Variants in CCSER1 observed in about 807,000 individuals in gnomAD.
The protein encoded by CCSER1 is coiled-coil serine rich protein 1, also known as serine-rich coiled-coil domain-containing protein 1.
Under a neutral mutation model 82.0 loss-of-function variants are expected in CCSER1, and 41 were observed. The observed-to-expected ratio is 0.50, with a 90% CI of 0.39 to 0.65. CCSER1 has a LOEUF of 0.65. Ranked by LOEUF, CCSER1 falls within the 30% of genes least tolerant of loss-of-function variation. The pLI is 0.00. For missense variants in CCSER1, 1,119 were observed against 1,064.2 expected (o/e 1.05, Z -0.72); for synonymous variants, 414 against 383.9 (o/e 1.08, Z -0.92).
intron 8 of CCSER1, among the ~76,000 whole-genome samples, chr4:90,830,910 T>C (rs939461691): frequency 6.6e-6 from 1 of 152,138 alleles, no homozygotes; most frequent in Non-Finnish European, 1.5e-5. Context: ...ATAACAGATA[T>C]CCCATCCATA....
intron 10 of CCSER1, among the ~76,000 whole-genome samples, chr4:91,275,250 C>T (rs984599404): frequency 1.3e-5 from 2 of 152,106 alleles, no homozygotes; most frequent in Non-Finnish European, 2.9e-5. Flanking sequence ...ACATTTCCAC[C>T]CACAATGTAT....
intron 9 of CCSER1, among the ~76,000 whole-genome samples, chr4:90,964,551 C>T (rs560954955): frequency 9.2e-5 from 14 of 151,508 alleles, no homozygotes; most frequent in South Asian, 2.1e-4. Context: ...TGGTGGAACC[C>T]GTCTCTACTA....
At chr4:90,951,227 G>C (rs1732878050) in intron 9 of CCSER1, 1 of 152,056 alleles carries the variant, frequency 6.6e-6, no homozygotes, top group South Asian at 2.1e-4. Context: ...AGGTATAGCA[G>C]AAAATGACAG....
intron 10 of CCSER1, among the ~76,000 whole-genome samples, chr4:91,594,417 A>G (rs891686160): frequency 2.7e-5 from 4 of 148,206 alleles, no homozygotes; most frequent in African/African-American, 9.9e-5. Flanking sequence ...ATACACATAT[A>G]TATACATATA....
At chr4:91,032,027 C>T (rs1343273908) in intron 9 of CCSER1, among the ~76,000 whole-genome samples, 1 of 151,996 alleles carries the variant, frequency 6.6e-6, no homozygotes, top group Non-Finnish European at 1.5e-5. Flanking sequence ...CTTCAACCAG[C>T]TCTGACTTCA....
intron 5 of CCSER1, among the ~76,000 whole-genome samples, chr4:90,619,055 G>C (rs114057834): frequency 6.6e-6 from 1 of 151,660 alleles, no homozygotes; most frequent in African/African-American, 2.4e-5. Flanking sequence ...TCAACCAAAT[G>C]TTAAATAGAA....
intron 10 of CCSER1, among the ~76,000 whole-genome samples, chr4:91,293,295 G>A (rs968088555): frequency 4.0e-5 from 6 of 151,840 alleles, no homozygotes; most frequent in South Asian, 2.1e-4. Flanking sequence ...AATGTCTGTC[G>A]TTTGGGTATT....
intron 9 of CCSER1, among the ~76,000 whole-genome samples, chr4:90,944,186 G>T (rs1273115194): frequency 6.9e-6 from 1 of 145,760 alleles, no homozygotes; most frequent in Non-Finnish European, 1.5e-5. Context: ...GAGCTGAGAT[G>T]ACGCCACTGC....
chr4:90,628,008 T>C lies in CCSER1; in HGVS notation c.1725-17T>C. 1 of 1,605,562 alleles carries C rather than the reference T, an allele frequency of 6.2e-7. No individual in the cohort carries two copies. The highest frequency in any genetic ancestry group is 8.5e-7 in the Non-Finnish European group (1 of 1,173,342). ...ATGCTGCACTGTAATTTTTGTTCTT[T>C]TTTTTTTTCTTGTTAGGAATCTTTC... On this transcript the variant is annotated splice_polypyrimidine_tract_variant and intron_variant, in intron 5 of 10. Coordinates refer to ENST00000509176, the MANE Select transcript of CCSER1 (RefSeq NM_001145065.2).
intron 10 of CCSER1, among the ~76,000 whole-genome samples, chr4:91,125,189 A>G (rs1483148619): frequency 6.6e-6 from 1 of 151,740 alleles, no homozygotes. Flanking sequence ...AGGATTTATG[A>G]AATAATTACT....
At chr4:91,077,778 C>A (rs1017310541) in intron 9 of CCSER1, among the ~76,000 whole-genome samples, 14 of 152,226 alleles carry the variant, frequency 9.2e-5, no homozygotes, top group African/African-American at 3.1e-4. Context: ...TCTTAGCAAA[C>A]AGCACACCAG....
At chr4:91,275,808 C>G (rs1370383397) in intron 10 of CCSER1, among the ~76,000 whole-genome samples, 1 of 152,088 alleles carries the variant, frequency 6.6e-6, no homozygotes, top group African/African-American at 2.4e-5. Context: ...AGATTTAAGT[C>G]TTTAAACCGT....
chr4:91,183,439 A>G (rs898849401), intron 10 of CCSER1, among the ~76,000 whole-genome samples: 1 of 152,216 alleles, frequency 6.6e-6, no homozygotes, highest in Non-Finnish European at 1.5e-5. Flanking sequence ...GGAGAATCCA[A>G]TTAGTTAATT....
rs1211319606 is a variant in CCSER1 at position 91,127,030 on chromosome 4, A to G, written c.2217+41036A>G. Among the ~76,000 whole-genome samples, 4 of 152,118 alleles carry G rather than the reference A, an allele frequency of 2.6e-5. No homozygotes were observed. The East Asian group carries it at 5.8e-4, about 22-fold the overall frequency. On this transcript the variant is annotated intron_variant, in intron 10 of 10. Coordinates refer to ENST00000509176, the MANE Select transcript of CCSER1 (RefSeq NM_001145065.2). ...AAGACAATTTATTTTCTGTTGGGAA[A>G]CAGCTCTTTGTATTTGACTCAGTCC...
At chr4:90,167,842 T>C (rs1212293183) in intron 1 of CCSER1, among the ~76,000 whole-genome samples, 1 of 152,112 alleles carries the variant, frequency 6.6e-6, no homozygotes. Context: ...CCATGGTGTA[T>C]ATGTGCCACA....
intron 3 of CCSER1, among the ~76,000 whole-genome samples, chr4:90,361,259 G>A (rs554952343): frequency 6.6e-6 from 1 of 152,172 alleles, no homozygotes; most frequent in Non-Finnish European, 1.5e-5. Context: ...GCAAATAGCA[G>A]GTTCTCAATA....
chr4:90,225,372 A>T (rs1253636953), intron 1 of CCSER1, among the ~76,000 whole-genome samples: 2 of 151,440 alleles, frequency 1.3e-5, no homozygotes, highest in Non-Finnish European at 2.9e-5. Context: ...CACCATGCCC[A>T]GCCTAAAGTG....
At chr4:91,036,973 A>G (rs1009607070) in intron 9 of CCSER1, among the ~76,000 whole-genome samples, 2 of 152,034 alleles carry the variant, frequency 1.3e-5, no homozygotes, top group Admixed American at 1.3e-4. Context: ...GCTACTCAGG[A>G]GGCTCAGGTG....
At chr4:90,561,902 T>C in intron 5 of CCSER1, among the ~76,000 whole-genome samples, 1 of 152,042 alleles carries the variant, frequency 6.6e-6, no homozygotes, top group Admixed American at 6.6e-5. Context: ...TAAAGATAAA[T>C]TTAGGCCGGG....
Sources: gnomAD v4.1 joint callset for allele counts (sites outside exome capture counted in the v4.1 genomes callset) on GRCh38, gnomAD v4.1.1 for gene constraint, MANE v1.5 for transcripts, NCBI Gene and HGNC (gene_info 2026-07-23, HGNC 2026-07-21) for gene names.